The following PEX7 variants were observed in gnomAD, a reference collection of about 807,000 sequenced individuals.
The protein encoded by PEX7 is peroxisomal biogenesis factor 7.
PEX7 carries 34 observed loss-of-function variants against 47.5 expected under a neutral mutation model. That is an observed-to-expected ratio of 0.72 (90% CI 0.54 to 0.95). The LOEUF is 0.95. Ranked by LOEUF, PEX7 falls within the 40% of genes least tolerant of loss-of-function variation. PEX7 has a pLI of 0.00. For missense variants in PEX7, 394 were observed against 400.3 expected (o/e 0.98, Z 0.13); for synonymous variants, 141 against 148.8 (o/e 0.95, Z 0.38).
Position 136,900,790 on chromosome 6 carries a change from TC to T in PEX7, c.903+2553del. On this transcript the variant is annotated intron_variant, in intron 9 of 9. Transcript: ENST00000318471. This position sits in a 1 kb window ranked among gnomAD's most constrained non-coding sequence, Gnocchi z 4.2. ...GACAGGTGGTCTCTTAGTGGGGACA[TC>T]CCCTTTGCCAACAGCTTTCTTCTCA... The T allele has an allele frequency of 3.0e-6, 1 of 329,488 alleles. No homozygotes were observed. The highest frequency in any genetic ancestry group is 5.8e-6 in the Non-Finnish European group (1 of 172,432). The allele number at this position is 329,488 out of a possible 1,614,324, so 20.4% of individuals were successfully genotyped here.
chr6:136,849,041 T>C (rs1774686837), intron 5 of PEX7, among the ~76,000 whole-genome samples: 1 of 152,192 alleles, frequency 6.6e-6, no homozygotes, highest in Non-Finnish European at 1.5e-5. Flanking sequence ...CTGTTATTGG[T>C]GTATTCAGGG....
chr6:136,900,430 G>A lies in PEX7; in HGVS notation c.903+2189G>A, dbSNP rs1775733344. The A allele has an allele frequency of 9.3e-6, 4 of 427,986 alleles. No homozygotes were observed. The highest frequency in any genetic ancestry group is 1.9e-5 in the Non-Finnish European group (4 of 214,204). 26.5% of individuals were successfully genotyped at this position (427,986 alleles called of 1,614,324 possible). On this transcript the variant is annotated intron_variant, in intron 9 of 9. Transcript: ENST00000318471. This position sits in a 1 kb window ranked among gnomAD's most constrained non-coding sequence, Gnocchi z 4.2. Reference sequence around the variant, plus strand: ...AGCCTTTGCCTTTTCCAGCTTGGCAGTGTGAGCCACAGACTTGGGACCAAG... The same window carrying A: ...AGCCTTTGCCTTTTCCAGCTTGGCAATGTGAGCCACAGACTTGGGACCAAG...
At chr6:136,840,335 C>T (rs750905141) in intron 3 of PEX7, among the ~76,000 whole-genome samples, 13 of 152,192 alleles carry the variant, frequency 8.5e-5, no homozygotes, top group Non-Finnish European at 1.9e-4. Flanking sequence ...CGCTTCTTCC[C>T]AGGAGTAACC....
intron 8 of PEX7, among the ~76,000 whole-genome samples, chr6:136,897,750 A>G (rs1775676611): frequency 6.6e-6 from 1 of 152,248 alleles, no homozygotes; most frequent in Admixed American, 6.5e-5. Context: ...GTTAGAGTTC[A>G]TTTAATTCAA....
intron 3 of PEX7, among the ~76,000 whole-genome samples, chr6:136,844,274 G>A (rs139017491): frequency 5.6e-4 from 86 of 152,262 alleles, no homozygotes; most frequent in Admixed American, 6.5e-4. Context: ...AGGCTGAGGT[G>A]TGGGAGGACC....
chr6:136,894,743 C>T (rs1562755761), intron 8 of PEX7, among the ~76,000 whole-genome samples: 1 of 151,972 alleles, frequency 6.6e-6, no homozygotes, highest in Non-Finnish European at 1.5e-5. Context: ...AAAAATGTTC[C>T]TAGAGTTCTG....
intron 6 of PEX7, among the ~76,000 whole-genome samples, chr6:136,867,798 C>CAA (rs535561957): frequency 7.6e-6 from 1 of 131,148 alleles, no homozygotes; most frequent in African/African-American, 2.7e-5. Context: ...ACAACAACAA[C>CAA]AAAAAACTTT....
At chr6:136,874,012 G>A (rs1052677269) in intron 8 of PEX7, among the ~76,000 whole-genome samples, 4 of 152,126 alleles carry the variant, frequency 2.6e-5, no homozygotes, top group African/African-American at 7.2e-5. Context: ...GTGTTGAATT[G>A]TGTTTGCTAA....
intron 3 of PEX7, among the ~76,000 whole-genome samples, chr6:136,837,546 A>G (rs1774413880): frequency 6.6e-6 from 1 of 152,118 alleles, no homozygotes; most frequent in Non-Finnish European, 1.5e-5. Flanking sequence ...AGCAGTGACA[A>G]CTGAGTAGCA....
chr6:136,825,084 T>G, intron 1 of PEX7, 130 bp from the exon 2 acceptor site: 1 of 751,628 alleles, frequency 1.3e-6, no homozygotes. Context: ...CATTTGGTAT[T>G]CAAGGTCCCA....
At chr6:136,883,559 C>A (rs1471394317) in intron 8 of PEX7, among the ~76,000 whole-genome samples, 4 of 152,162 alleles carry the variant, frequency 2.6e-5, no homozygotes, top group Non-Finnish European at 5.9e-5. Context: ...TAGGGTTCAT[C>A]ATAGAATCAG....
intron 3 of PEX7, among the ~76,000 whole-genome samples, chr6:136,831,406 G>A (rs1425157460): frequency 6.6e-6 from 1 of 152,200 alleles, no homozygotes; most frequent in East Asian, 1.9e-4. Flanking sequence ...GGACACATGG[G>A]GATTACAATT....
intron 9 of PEX7, among the ~76,000 whole-genome samples, chr6:136,908,685 C>T (rs938525990): frequency 6.6e-6 from 1 of 152,118 alleles, no homozygotes; most frequent in Admixed American, 6.5e-5. Context: ...ACAAGAGATA[C>T]CCCAGCCTTC....
At chr6:136,892,025 A>T (rs1313387607) in intron 8 of PEX7, among the ~76,000 whole-genome samples, 1 of 152,214 alleles carries the variant, frequency 6.6e-6, no homozygotes, top group East Asian at 1.9e-4. Flanking sequence ...AAAGGATGGA[A>T]ATCTGAGTGA....
intron 5 of PEX7, among the ~76,000 whole-genome samples, chr6:136,847,952 C>T (rs372727971): frequency 3.0e-4 from 45 of 152,260 alleles, no homozygotes; most frequent in African/African-American, 9.6e-4. Flanking sequence ...GCCATTTTCA[C>T]GATATTGATT....
intron 9 of PEX7, among the ~76,000 whole-genome samples, chr6:136,904,577 T>G (rs1391755847): frequency 1.3e-5 from 2 of 151,498 alleles, no homozygotes; most frequent in Non-Finnish European, 2.9e-5. Context: ...CTCATGATAG[T>G]GAATGAGTCT....
In PEX7 at chr6:136,825,250, C is replaced by G. The variant is rs765902458; in HGVS notation, c.167C>G (p.Ala56Gly). 15 of 1,613,606 alleles carry G rather than the reference C, an allele frequency of 9.3e-6. 1 individual carries two copies. In the Admixed American group the frequency reaches 2.5e-4, roughly 27 times the overall value. ...GTLLILDPDE[A>G]GLRLFRSFDW... ...CTACTAATATTGGATCCAGATGAAG[C>G]TGGGCTAAGGCTTTTTAGAAGGTAA... Residue 56 changes from alanine to glycine, a missense_variant, in exon 2 of 10, where the codon GCT becomes GGT. Physicochemically the swap from Ala to Gly is moderately conservative, Grantham distance 60. Transcript: ENST00000318471.
chr6:136,864,220 T>C (rs1490747082), intron 5 of PEX7, among the ~76,000 whole-genome samples: 2 of 146,658 alleles, frequency 1.4e-5, no homozygotes, highest in Non-Finnish European at 3.0e-5. Context: ...TAGAACAGTA[T>C]GTGGCACATT....
intron 3 of PEX7, among the ~76,000 whole-genome samples, chr6:136,839,180 G>A (rs1021979734): frequency 3.3e-5 from 5 of 152,164 alleles, no homozygotes; most frequent in Admixed American, 3.3e-4. Context: ...GTGAGATCCT[G>A]TCTCAAAAGA....
Sources: gnomAD v4.1 joint callset for allele counts (sites outside exome capture counted in the v4.1 genomes callset) on GRCh38, gnomAD v4.1.1 for gene constraint, Gnocchi (gnomAD v3.1) non-coding constraint, MANE v1.5 for transcripts, NCBI Gene and HGNC (gene_info 2026-07-23, HGNC 2026-07-21) for gene names.